Variants in GLRX5 observed in about 807,000 individuals in gnomAD.
GLRX5 encodes the protein glutaredoxin 5.
Under a neutral mutation model 13.8 loss-of-function variants are expected in GLRX5, and 10 were observed. That is an observed-to-expected ratio of 0.72 (90% CI 0.45 to 1.23). The LOEUF (loss-of-function observed/expected upper bound fraction) is 1.23. Among genes scored for constraint, GLRX5 ranks in the 50% most tolerant of loss-of-function variants. The pLI, the probability that GLRX5 is intolerant of heterozygous loss-of-function variation, is 0.00. For missense variants in GLRX5, 233 were observed against 215.2 expected (o/e 1.08, Z -0.52); for synonymous variants, 98 against 101.1 (o/e 0.97, Z 0.18).
At chr14:95,542,919 A>T (rs1891494432) in intron 1 of GLRX5, 2 of 407,376 alleles carry the variant, frequency 4.9e-6, no homozygotes, top group African/African-American at 4.1e-5. Flanking sequence ...GTTAAGAGTA[A>T]TCTTTTATGT....
At chr14:95,537,576 C>G (rs1891402916) in intron 1 of GLRX5, among the ~76,000 whole-genome samples, 1 of 152,238 alleles carries the variant, frequency 6.6e-6, no homozygotes, top group Non-Finnish European at 1.5e-5. Flanking sequence ...CCCTATACAG[C>G]TTTATTTACC....
At chr14:95,535,884 A>G (rs188941964) in intron 1 of GLRX5, among the ~76,000 whole-genome samples, 4 of 152,196 alleles carry the variant, frequency 2.6e-5, no homozygotes, top group Admixed American at 6.5e-5. Flanking sequence ...CCTTGAGGCT[A>G]GTGAGGTCGG....
At chr14:95,538,329 C>A (rs569735783) in intron 1 of GLRX5, among the ~76,000 whole-genome samples, 1 of 152,196 alleles carries the variant, frequency 6.6e-6, no homozygotes, top group Non-Finnish European at 1.5e-5. Context: ...CGATTTAGAT[C>A]ATCATTGTAG....
At chr14:95,538,963 C>T (rs775394632) in intron 1 of GLRX5, among the ~76,000 whole-genome samples, 12 of 152,210 alleles carry the variant, frequency 7.9e-5, no homozygotes, top group Non-Finnish European at 1.2e-4. Context: ...GGGTCCCCAA[C>T]CCCCAGGCCA....
intron 1 of GLRX5, among the ~76,000 whole-genome samples, chr14:95,537,205 A>G (rs527344956): frequency 1.3e-5 from 2 of 152,324 alleles, no homozygotes; most frequent in African/African-American, 4.8e-5. Flanking sequence ...ACTGGAAATG[A>G]GATATGCTGG....
Position 95,535,203 on chromosome 14 carries a change from CG to C in GLRX5, c.116del (p.Gly39AlafsTer11). The C allele has an allele frequency of 6.6e-7, 1 of 1,508,824 alleles. No individual in the cohort carries two copies. Among genetic ancestry groups the C allele is most frequent in the Non-Finnish European group, 8.9e-7 (1 of 1,128,212 alleles). 93.5% of individuals were successfully genotyped at this position (1,508,824 alleles called of 1,614,324 possible). A position where few individuals can be genotyped will look rare whatever the true frequency, so the allele number is the denominator to read the frequency against. On this transcript the variant is annotated frameshift_variant, in exon 1 of 2. Transcript: ENST00000331334. LOFTEE classifies it high-confidence loss of function. ...VRAAGSGAGG[G>X]GSAEQLDALV... ...GGGCGGCGGGCTCGGGCGCGGGCGG[CG>C]GCGGCTCGGCGGAGCAGTTGGACGC...
intron 1 of GLRX5, among the ~76,000 whole-genome samples, chr14:95,542,597 T>C (rs1470016954): frequency 1.3e-5 from 2 of 152,236 alleles, no homozygotes; most frequent in Non-Finnish European, 1.5e-5. Context: ...TAATAAATTA[T>C]AGGGTATCAA....
chr14:95,543,898 G>A, intron 1 of GLRX5, 49 bp from the exon 2 acceptor site: 1 of 1,504,838 alleles, frequency 6.6e-7, no homozygotes, highest in Non-Finnish European at 9.3e-7. Context: ...AGTCATGAAT[G>A]GTTCAGCTTT....
At chr14:95,538,165 G>A (rs1891413097) in intron 1 of GLRX5, among the ~76,000 whole-genome samples, 1 of 151,982 alleles carries the variant, frequency 6.6e-6, no homozygotes, top group Admixed American at 6.6e-5. Context: ...CAGAGACGAG[G>A]GAATATGTCT....
In GLRX5 at chr14:95,535,353, C is replaced by A; in HGVS notation, c.264C>A (p.Tyr88Ter). Residue 88 changes from tyrosine to a stop codon, truncating the protein, a stop_gained, in exon 1 of 2, where the codon TAC (tyrosine) becomes TAA (stop). Transcript: ENST00000331334. LOFTEE classifies it high-confidence loss of function. ...ACGGCGTCCGCGATTACGCGGCCTACAACGTGCTGGACGACCCGGAGCTCC... is the reference window on the plus strand; with the variant it reads ...ACGGCGTCCGCGATTACGCGGCCTAAAACGTGCTGGACGACCCGGAGCTCC... Reference protein sequence around the residue: ...RLHGVRDYAAYNVLDDPELRQ... With the variant: ...RLHGVRDYAA 1 of 1,553,228 alleles carries A rather than the reference C, an allele frequency of 6.4e-7. No individual in the cohort carries two copies. Among genetic ancestry groups the A allele is most frequent in the African/African-American group, 1.4e-5 (1 of 73,606 alleles).
Position 95,543,936 on chromosome 14 carries a change from T to A in GLRX5, c.296-11T>A, listed in dbSNP as rs1367522664. Reference sequence around the variant, plus strand: ...CCATTTAAATAACAAATAAATGTTCTTTCTCCATAGGCATTAAAGACTATT... The same window carrying A: ...CCATTTAAATAACAAATAAATGTTCATTCTCCATAGGCATTAAAGACTATT... On this transcript the variant is annotated splice_polypyrimidine_tract_variant and intron_variant, in intron 1 of 1. Coordinates refer to ENST00000331334, the MANE Select transcript of GLRX5 (RefSeq NM_016417.3). The A allele has an allele frequency of 6.2e-7, 1 of 1,608,648 alleles. No individual in the cohort carries two copies. The highest frequency in any genetic ancestry group is 8.5e-7 in the Non-Finnish European group (1 of 1,175,118).
chr14:95,543,666 C>A (rs1160618541), intron 1 of GLRX5: 37 of 371,400 alleles, frequency 1.0e-4, no homozygotes, highest in African/African-American at 1.1e-4. Flanking sequence ...CTAATTCTCA[C>A]AAAAAAAAAA....
At chr14:95,536,763 G>A (rs182740465) in intron 1 of GLRX5, among the ~76,000 whole-genome samples, 2 of 151,920 alleles carry the variant, frequency 1.3e-5, no homozygotes, top group African/African-American at 2.4e-5. Context: ...TTTTTTCCCA[G>A]ATTATCTAGT....
At chr14:95,543,807 A>G in intron 1 of GLRX5, 140 bp from the exon 2 acceptor site, 1 of 733,624 alleles carries the variant, frequency 1.4e-6, no homozygotes, top group Non-Finnish European at 2.5e-6. Context: ...TCTTAGTGGC[A>G]AGCACAGTGT....
Position 95,535,271 on chromosome 14 carries a change from C to G in GLRX5, c.182C>G (p.Thr61Arg), listed in dbSNP as rs1454155595. The change falls in exon 1 of 2, where the codon ACG becomes AGG. Residue 61 changes from threonine (T) to arginine (R), a missense_variant. Transcript: ENST00000331334. ...AAGGTGGTGGTCTTCCTCAAGGGGACGCCGGAGCAGCCCCAGTGCGGCTTC... is the reference window on the plus strand; with the variant it reads ...AAGGTGGTGGTCTTCCTCAAGGGGAGGCCGGAGCAGCCCCAGTGCGGCTTC... ...KDKVVVFLKGTPEQPQCGFSN... is the reference protein window; with the variant it reads ...KDKVVVFLKGRPEQPQCGFSN... 3 of 1,571,096 alleles carry G rather than the reference C, an allele frequency of 1.9e-6. No homozygotes were observed. The highest frequency in any genetic ancestry group is 2.3e-5 in the South Asian group (2 of 85,604).
At chr14:95,543,041 T>C (rs1891496951) in intron 1 of GLRX5, 3 of 455,980 alleles carry the variant, frequency 6.6e-6, no homozygotes, top group Non-Finnish European at 1.3e-5. Flanking sequence ...GTGTCCCTCA[T>C]CTCATGTGTG....
At position 95,544,204 on chromosome 14, in the gene GLRX5, G is replaced by T; in HGVS notation, c.*79G>T. ...CTGCCAGAAAAGCCTTACCCATTTT[G>T]GTTTTCACTATTGAGACCGCAACTG... On this transcript the variant is annotated 3_prime_UTR_variant, in exon 2 of 2. Transcript: ENST00000331334. The T allele has an allele frequency of 7.7e-7, 1 of 1,303,134 alleles. No individual in the cohort carries two copies. The highest frequency in any genetic ancestry group is 1.2e-5 in the South Asian group (1 of 80,700). The allele number at this position is 1,303,134 out of a possible 1,614,324, so 80.7% of individuals were successfully genotyped here.
chr14:95,543,027 C>T, intron 1 of GLRX5: 1 of 456,118 alleles, frequency 2.2e-6, no homozygotes, highest in South Asian at 1.5e-5. Context: ...TGCGCTGTCA[C>T]AGAGTGTCCC....
At chr14:95,538,667 A>G (rs961926665) in intron 1 of GLRX5, among the ~76,000 whole-genome samples, 3 of 152,120 alleles carry the variant, frequency 2.0e-5, no homozygotes, top group Non-Finnish European at 2.9e-5. Context: ...CTAGGTATAT[A>G]TTCTAGAGAG....
Sources: allele counts gnomAD v4.1 joint callset (sites outside exome capture counted in the v4.1 genomes callset), GRCh38; gene constraint gnomAD v4.1.1; transcripts MANE v1.5; gene names NCBI Gene and HGNC (gene_info 2026-07-23, HGNC 2026-07-21).